Variants in NPFFR2 observed in about 807,000 individuals in gnomAD.
NPFFR2 encodes neuropeptide FF receptor 2, also known as G-protein coupled receptor 74.
Under a neutral mutation model 13.1 loss-of-function variants are expected in NPFFR2, and 15 were observed. That is an observed-to-expected ratio of 1.15 (90% CI 0.77 to 1.76). NPFFR2 has a LOEUF of 1.76. NPFFR2 is among the 40% of genes most tolerant of loss of function. NPFFR2 has a pLI of 0.00. For synonymous variants in NPFFR2, 190 were observed against 175.7 expected (o/e 1.08, Z -0.65); for missense variants, 572 against 503.5 (o/e 1.14, Z -1.30).
intron 1 of NPFFR2, among the ~76,000 whole-genome samples, chr4:72,102,401 A>G (rs1721278866): frequency 1.3e-5 from 2 of 152,078 alleles, no homozygotes; most frequent in Non-Finnish European, 2.9e-5. Context: ...TTATACTTTA[A>G]GTTTTAGGGT....
intron 1 of NPFFR2, among the ~76,000 whole-genome samples, chr4:72,125,312 C>T (rs1338838557): frequency 6.6e-6 from 1 of 152,178 alleles, no homozygotes; most frequent in East Asian, 1.9e-4. Flanking sequence ...AAAGGGAATG[C>T]TTTTACACTG....
At chr4:72,119,676 G>A (rs2109826455) in intron 1 of NPFFR2, among the ~76,000 whole-genome samples, 1 of 152,310 alleles carries the variant, frequency 6.6e-6, no homozygotes, top group African/African-American at 2.4e-5. Flanking sequence ...AGTGCAAGGG[G>A]TTTGGGAAAT....
intron 1 of NPFFR2, among the ~76,000 whole-genome samples, chr4:72,073,904 G>C (rs533696258): frequency 6.6e-6 from 1 of 151,302 alleles, no homozygotes; most frequent in Non-Finnish European, 1.5e-5. Flanking sequence ...GAAAGGAATA[G>C]AAATATTTCA....
At chr4:72,143,598 C>T (rs1722695862) in intron 3 of NPFFR2, among the ~76,000 whole-genome samples, 1 of 152,084 alleles carries the variant, frequency 6.6e-6, no homozygotes, top group Admixed American at 6.6e-5. Context: ...TAGGCGCATC[C>T]AGAAATAAGA....
At chr4:72,118,954 G>T (rs527956012) in intron 1 of NPFFR2, among the ~76,000 whole-genome samples, 2 of 152,016 alleles carry the variant, frequency 1.3e-5, no homozygotes, top group Non-Finnish European at 2.9e-5. Context: ...TGGAAAATAG[G>T]TATCCATGAT....
intron 1 of NPFFR2, among the ~76,000 whole-genome samples, chr4:72,036,196 C>A (rs1399070835): frequency 6.6e-6 from 1 of 151,974 alleles, no homozygotes; most frequent in East Asian, 1.9e-4. Context: ...AAATAATTTG[C>A]CAAAGTAAAC....
chr4:72,127,424 C>T (rs1272944120), intron 1 of NPFFR2, among the ~76,000 whole-genome samples: 4 of 96,958 alleles, frequency 4.1e-5, no homozygotes, highest in African/African-American at 4.3e-5. Context: ...AGTGCAGTGG[C>T]GCGATCTCGG....
At chr4:72,043,443 A>C (rs941917637) in intron 1 of NPFFR2, among the ~76,000 whole-genome samples, 18 of 152,198 alleles carry the variant, frequency 1.2e-4, no homozygotes, top group Non-Finnish European at 1.9e-4. Flanking sequence ...AGACACTCAA[A>C]GTCATCCCAT....
intron 1 of NPFFR2, among the ~76,000 whole-genome samples, chr4:72,094,278 T>A (rs1043600468): frequency 1.3e-5 from 2 of 152,128 alleles, no homozygotes; most frequent in African/African-American, 4.8e-5. Context: ...TGGTTGTATT[T>A]TTGCTAAGTA....
intron 1 of NPFFR2, among the ~76,000 whole-genome samples, chr4:72,069,261 T>C (rs1390029004): frequency 6.6e-6 from 1 of 152,092 alleles, no homozygotes; most frequent in Non-Finnish European, 1.5e-5. Context: ...TTATGACCTA[T>C]GAAAAAATAT....
rs1203919514 is a variant in NPFFR2, at chr4:72,127,367, T to C, written c.-7-1218T>C. 8.6e-4 allele frequency among the ~76,000 whole-genome samples: 92 copies of C among 107,506 alleles called. 3 individuals carry two copies. The highest frequency in any genetic ancestry group is 3.7e-3 in the African/African-American group (89 of 24,042). The allele number at this position is 107,506 out of a possible 152,430, so 70.5% of individuals were successfully genotyped here. A position where few individuals can be genotyped will look rare whatever the true frequency, so the allele number is the denominator to read the frequency against. On this transcript the variant is annotated intron_variant, in intron 1 of 3. Coordinates refer to ENST00000308744, the MANE Select transcript of NPFFR2 (RefSeq NM_004885.3). ...TTCTAAATAATTTCTTTTCTTTTTT[T>C]TTTTTTTTTTTTTTGAGACGGAGTC...
At chr4:72,055,477 C>T (rs1719719346) in intron 1 of NPFFR2, among the ~76,000 whole-genome samples, 1 of 151,966 alleles carries the variant, frequency 6.6e-6, no homozygotes, top group South Asian at 2.1e-4. Flanking sequence ...TCTCCCCTCT[C>T]CCTCTCCTTG....
At chr4:72,113,872 C>G (rs993491528) in intron 1 of NPFFR2, among the ~76,000 whole-genome samples, 19 of 152,016 alleles carry the variant, frequency 1.2e-4, no homozygotes, top group African/African-American at 4.6e-4. Flanking sequence ...AATATTTAGT[C>G]TATAAAATAT....
intron 1 of NPFFR2, among the ~76,000 whole-genome samples, chr4:72,112,140 G>A (rs1251570848): frequency 1.4e-4 from 22 of 151,952 alleles, no homozygotes; most frequent in Non-Finnish European, 3.2e-4. Flanking sequence ...AACACATTCA[G>A]GCTGCTGTTT....
At chr4:72,033,309 A>G (rs930532468) in intron 1 of NPFFR2, among the ~76,000 whole-genome samples, 1 of 152,212 alleles carries the variant, frequency 6.6e-6, no homozygotes, top group Non-Finnish European at 1.5e-5. Context: ...GCAGAGTTCA[A>G]TTAGAGTCTT....
chr4:72,057,607 A>G (rs1207532824), intron 1 of NPFFR2, among the ~76,000 whole-genome samples: 2 of 151,996 alleles, frequency 1.3e-5, no homozygotes, highest in African/African-American at 4.8e-5. Context: ...TATCATTTTC[A>G]GATCCCTAAT....
chr4:72,045,743 TGAAAAGAG>T (rs33963116), intron 1 of NPFFR2, among the ~76,000 whole-genome samples: 135,094 of 151,868 alleles, frequency 0.89, 61,230 homozygotes, highest in Non-Finnish European at 0.98. Flanking sequence ...AATGCTGTAC[TGAAAAGAG>T]AAAAAATAAT....
intron 1 of NPFFR2, among the ~76,000 whole-genome samples, chr4:72,064,800 C>T (rs1338812001): frequency 6.6e-6 from 1 of 152,118 alleles, no homozygotes; most frequent in African/African-American, 2.4e-5. Flanking sequence ...AGAGAGCCTG[C>T]ATAGGTAGGA....
At chr4:72,080,853 T>C (rs1720597349) in intron 1 of NPFFR2, among the ~76,000 whole-genome samples, 2 of 151,696 alleles carry the variant, frequency 1.3e-5, no homozygotes, top group South Asian at 4.1e-4. Flanking sequence ...TTCCTCACTT[T>C]CCTCTACTCC....
Sources: gnomAD v4.1 joint callset for allele counts (sites outside exome capture counted in the v4.1 genomes callset) on GRCh38, gnomAD v4.1.1 for gene constraint, MANE v1.5 for transcripts, NCBI Gene and HGNC (gene_info 2026-07-23, HGNC 2026-07-21) for gene names.